The following ZFHX3 variants were observed in gnomAD, a reference collection of about 807,000 sequenced individuals.
ZFHX3 encodes zinc finger homeobox protein 3.
ZFHX3 carries 42 observed loss-of-function variants against 279.1 expected under a neutral mutation model. The observed-to-expected ratio is 0.15, with a 90% CI of 0.12 to 0.19. The LOEUF (loss-of-function observed/expected upper bound fraction) is 0.19. Among genes scored for constraint, ZFHX3 ranks in the 10% least tolerant of loss-of-function variants. The pLI is 1.00. For synonymous variants in ZFHX3, 2,293 were observed against 1,957.8 expected (o/e 1.17, Z -4.52); for missense variants, 4,981 against 4,754.0 (o/e 1.05, Z -1.40).
chr16:73,195,552 G>A (rs1365875159), intron 5 of ZFHX3, among the ~76,000 whole-genome samples: 2 of 151,722 alleles, frequency 1.3e-5, no homozygotes, highest in Non-Finnish European at 2.9e-5. Flanking sequence ...CCGAGCAGCT[G>A]GGACTACAGG....
chr16:73,546,725 C>CTGCTGT (rs2020119065), intron 2 of ZFHX3, among the ~76,000 whole-genome samples: 1 of 141,258 alleles, frequency 7.1e-6, no homozygotes, highest in African/African-American at 2.7e-5. Flanking sequence ...GCTGCTGCTG[C>CTGCTGT]TGCTGCTGCT....
intron 5 of ZFHX3, among the ~76,000 whole-genome samples, chr16:72,817,053 T>C (rs981888540): frequency 6.6e-6 from 1 of 152,266 alleles, no homozygotes; most frequent in Non-Finnish European, 1.5e-5. Flanking sequence ...TTTTATTACG[T>C]TGTAAGCATA....
At chr16:73,867,122 G>C (rs1962042794) in intron 1 of ZFHX3, among the ~76,000 whole-genome samples, 1 of 152,114 alleles carries the variant, frequency 6.6e-6, no homozygotes, top group Non-Finnish European at 1.5e-5. Context: ...AACTACAGGT[G>C]AACTGAGACG....
intron 2 of ZFHX3, among the ~76,000 whole-genome samples, chr16:73,495,003 G>A (rs1045078535): frequency 2.9e-4 from 44 of 152,154 alleles, no homozygotes; most frequent in African/African-American, 9.9e-4. Flanking sequence ...TGTATCAATC[G>A]TTTCTGCATT....
intron 6 of ZFHX3, among the ~76,000 whole-genome samples, chr16:73,135,038 C>T (rs1335569110): frequency 6.6e-6 from 1 of 152,046 alleles, no homozygotes; most frequent in Non-Finnish European, 1.5e-5. Context: ...TTTGTTACTG[C>T]ATCATTACTT....
chr16:73,392,547 G>A (rs2017039712), intron 3 of ZFHX3, among the ~76,000 whole-genome samples: 1 of 151,916 alleles, frequency 6.6e-6, no homozygotes, highest in Non-Finnish European at 1.5e-5. Context: ...CCATAAGGGA[G>A]TAGGAGCTAG....
chr16:73,391,941 G>A (rs1026725476), intron 3 of ZFHX3, among the ~76,000 whole-genome samples: 3 of 152,122 alleles, frequency 2.0e-5, no homozygotes, highest in African/African-American at 4.8e-5. Context: ...GGGAAAAGAA[G>A]AGTAAACAGA....
Position 73,133,917 on chromosome 16 carries a change from G to A in ZFHX3, c.-1023-2823C>T, listed in dbSNP as rs1007050161. ...GGGATTCGTACCTGGAGTAATCTAG[G>A]TAGCTGAGATGCATTTGGACTGATG... On this transcript the variant is annotated intron_variant, in intron 6 of 17. Coordinates refer to the ZFHX3 transcript ENST00000641206. 2.0e-5 allele frequency among the ~76,000 whole-genome samples: 3 copies of A among 152,170 alleles called. No individual in the cohort carries two copies. In the South Asian group the frequency reaches 6.2e-4, roughly 32 times the overall value.
At chr16:73,605,931 T>C (rs1375265798) in intron 2 of ZFHX3, among the ~76,000 whole-genome samples, 1 of 151,946 alleles carries the variant, frequency 6.6e-6, no homozygotes, top group African/African-American at 2.4e-5. Context: ...ACACCTGTAA[T>C]CCCAGCATTT....
At chr16:73,883,728 A>G (rs1386697636) in intron 1 of ZFHX3, among the ~76,000 whole-genome samples, 1 of 152,080 alleles carries the variant, frequency 6.6e-6, no homozygotes, top group East Asian at 1.9e-4. Flanking sequence ...AGACACCTAA[A>G]ATATGAAATA....
At chr16:72,876,828 AG>A (rs2038327671) in intron 4 of ZFHX3, among the ~76,000 whole-genome samples, 2 of 152,292 alleles carry the variant, frequency 1.3e-5, no homozygotes, top group South Asian at 4.1e-4. Flanking sequence ...CACGGCAGCC[AG>A]GTGTGGTTGA....
At chr16:73,039,753 T>G (rs1259281992) in intron 1 of ZFHX3, among the ~76,000 whole-genome samples, 1 of 152,050 alleles carries the variant, frequency 6.6e-6, no homozygotes, top group African/African-American at 2.4e-5. Flanking sequence ...CAAGCTGATC[T>G]CAAACTCCTG....
At chr16:72,871,365 C>T (rs1402832681) in intron 4 of ZFHX3, among the ~76,000 whole-genome samples, 8 of 137,416 alleles carry the variant, frequency 5.8e-5, no homozygotes, top group East Asian at 4.3e-4. Context: ...TTTTTTGAGA[C>T]GGAGTCTCAC....
chr16:73,437,211 G>A (rs138943297), intron 3 of ZFHX3, among the ~76,000 whole-genome samples: 12 of 152,284 alleles, frequency 7.9e-5, no homozygotes, highest in South Asian at 2.1e-4. Flanking sequence ...ACCTAATACC[G>A]TATTTTGCAG....
rs1223619376 is a variant in ZFHX3, at chr16:72,793,818, T to C, written c.8864A>G (p.Asn2955Ser). 1.9e-6 allele frequency: 3 copies of C among 1,614,182 alleles called. No individual in the cohort carries two copies. The highest frequency in any genetic ancestry group is 2.5e-6 in the Non-Finnish European group (3 of 1,180,038). ...GQKRFRTQMT[N>S]LQLKVLKSCF... ...TGACTTGAGGACCTTCAGCTGCAGA[T>C]TGGTCATTTGAGTGCGAAAACGTTT... Residue 2955 changes from asparagine (N) to serine (S), a missense_variant, in exon 9 of 10, where the codon AAT (asparagine) becomes AGT (serine). Asn to Ser is a conservative substitution (Grantham distance 46). Around this residue, in one of 7 missense-constraint regions of ZFHX3, gnomAD observed 168 missense variants for 249.1 expected, o/e 0.67. Coordinates refer to ENST00000268489, the MANE Select transcript of ZFHX3 (RefSeq NM_006885.4). This position sits in a 1 kb window ranked among gnomAD's most constrained non-coding sequence, Gnocchi z 4.3.
At chr16:73,612,840 TC>T in intron 2 of ZFHX3, among the ~76,000 whole-genome samples, 1 of 152,202 alleles carries the variant, frequency 6.6e-6, no homozygotes, top group East Asian at 1.9e-4. Flanking sequence ...CGTGGCAAAA[TC>T]ATTTGCTTTT....
At chr16:73,025,935 A>G (rs1361943501) in intron 1 of ZFHX3, among the ~76,000 whole-genome samples, 1 of 152,134 alleles carries the variant, frequency 6.6e-6, no homozygotes, top group Non-Finnish European at 1.5e-5. Flanking sequence ...ACTTCACCCA[A>G]TGTGACACAG....
At chr16:73,669,413 C>G (rs1289515162) in intron 2 of ZFHX3, among the ~76,000 whole-genome samples, 1 of 152,270 alleles carries the variant, frequency 6.6e-6, no homozygotes, top group South Asian at 2.1e-4. Flanking sequence ...GAAACTCCCA[C>G]GTGATCTCTA....
rs116446211 is a variant in ZFHX3 at position 73,513,490 on chromosome 16, G to A, written c.-1546-57232C>T. ...GACCAACTGATGGAGAAAATAACTT[G>A]GGGCTGGTTTACAGATAGTTTGGCA... On this transcript the variant is annotated intron_variant, in intron 2 of 17. Transcript: ENST00000641206. Among the ~76,000 whole-genome samples the A allele has an allele frequency of 8.8e-3, 1,344 of 152,234 alleles. 19 individuals carry two copies. The highest frequency in any genetic ancestry group is 0.031 in the African/African-American group (1,299 of 41,538).
Sources: allele counts gnomAD v4.1 joint callset (sites outside exome capture counted in the v4.1 genomes callset), GRCh38; gene constraint gnomAD v4.1.1; regional missense constraint gnomAD v4.1.1; non-coding constraint Gnocchi (gnomAD v3.1); transcripts MANE v1.5; gene names NCBI Gene and HGNC (gene_info 2026-07-23, HGNC 2026-07-21).